Variants in RBM28 observed in about 807,000 individuals in gnomAD.
RBM28 encodes the protein RNA-binding protein 28.
Under a neutral mutation model 98.3 loss-of-function variants are expected in RBM28, and 78 were observed. That is an observed-to-expected ratio of 0.79 (90% confidence interval 0.66 to 0.96). The LOEUF (loss-of-function observed/expected upper bound fraction) is 0.96, where lower values mean the gene tolerates loss of function less well. Ranked by LOEUF, RBM28 falls within the 40% of genes least tolerant of loss-of-function variation. The probability of loss-of-function intolerance (pLI) is 0.00; values close to 1 mark genes in which losing one functional copy is unlikely to be tolerated. For missense variants in RBM28, 838 were observed against 913.0 expected (o/e 0.92, Z 1.06); for synonymous variants, 306 against 330.9 (o/e 0.92, Z 0.82).
At chr7:128,341,594 G>A (rs925444426) in intron 1 of RBM28, among the ~76,000 whole-genome samples, 2 of 152,220 alleles carry the variant, frequency 1.3e-5, no homozygotes, top group African/African-American at 4.8e-5. Context: ...CAGCTGTCTG[G>A]ATAGGAAAGT....
At chr7:128,323,691 C>T in intron 12 of RBM28, 100 bp from the exon 13 acceptor site, 1 of 1,375,922 alleles carries the variant, frequency 7.3e-7, no homozygotes, top group Non-Finnish European at 1.0e-6. Context: ...TGTACAGGGC[C>T]CAGAGGACTA....
chr7:128,306,291 T>G lies in RBM28; in HGVS notation c.*4506A>C, dbSNP rs1795867084. On this transcript the variant is annotated 3_prime_UTR_variant, in exon 19 of 19. Coordinates refer to ENST00000223073, the MANE Select transcript of RBM28 (RefSeq NM_018077.3). The stretch of plus-strand genomic sequence containing the variant: ...GGCACAGAGACTGTCCAGATTGGAA[T>G]GGACAAGGCATAGCAGAAAGTACGG... 1 of 152,252 alleles carries G rather than the reference T, an allele frequency of 6.6e-6. No individual in the cohort carries two copies. Among genetic ancestry groups the G allele is most frequent in the Non-Finnish European group, 1.5e-5 (1 of 68,048 alleles). The allele number at this position is 152,252 out of a possible 1,614,324, so 9.4% of individuals were successfully genotyped here.
rs530992482 is a variant in RBM28 at position 128,339,373 on chromosome 7, G to A, written c.278-52C>T. 55 of 1,415,022 alleles carry A rather than the reference G, an allele frequency of 3.9e-5. No individual in the cohort carries two copies. In the Middle Eastern group the frequency reaches 5.3e-4, roughly 14 times the overall value. The allele number at this position is 1,415,022 out of a possible 1,614,324, so 87.7% of individuals were successfully genotyped here. A position where few individuals can be genotyped will look rare whatever the true frequency, so the allele number is the denominator to read the frequency against. On this transcript the variant is annotated intron_variant, in intron 2 of 18. Transcript: ENST00000223073. ...GTACTCGAAAATCACCCACTTCTAC[G>A]CCAGAACATCACAGAAAAAAAAGCT... is the stretch of plus-strand genomic sequence containing the variant.
At chr7:128,321,474 T>C (rs754057772) in intron 13 of RBM28, 50 bp from the exon 14 acceptor site, 2 of 1,606,922 alleles carry the variant, frequency 1.2e-6, no homozygotes, top group South Asian at 1.1e-5. Context: ...TTTTAAGAGG[T>C]AGGCTCATAA....
At position 128,335,635 on chromosome 7, in the gene RBM28, T is replaced by C. The variant is rs139593024; in HGVS notation, c.854A>G (p.Glu285Gly). The C allele has an allele frequency of 3.1e-6, 5 of 1,614,118 alleles. No individual in the cohort carries two copies. In the African/African-American group the frequency reaches 6.7e-5, roughly 22 times the overall value. Reference protein sequence around the residue: ...PAPAKSSDHSEEDSDLEESDS... With the variant: ...PAPAKSSDHSGEDSDLEESDS... ...GCTTTCCTCTAGGTCACTGTCCTCC[T>C]CAGAATGATCACTGCTTTTTGCAGG... Residue 285 changes from glutamate to glycine, a missense_variant, in exon 8 of 19, where the codon GAG becomes GGG. Physicochemically the swap from Glu to Gly is moderately conservative, Grantham distance 98. Coordinates refer to ENST00000223073, the MANE Select transcript of RBM28 (RefSeq NM_018077.3).
chr7:128,332,480 G>A (rs760284223), intron 9 of RBM28, among the ~76,000 whole-genome samples: 9 of 151,642 alleles, frequency 5.9e-5, no homozygotes, highest in South Asian at 2.1e-4. Context: ...CAGGCCTCCC[G>A]AGTAGCTGGG....
chr7:128,334,444 TC>T (rs1448388781), intron 8 of RBM28, among the ~76,000 whole-genome samples: 8 of 152,198 alleles, frequency 5.3e-5, no homozygotes, highest in African/African-American at 1.9e-4. Flanking sequence ...CTTCTTTGAT[TC>T]TAAGGTGTAT....
chr7:128,338,550 G>A (rs1001931898), intron 4 of RBM28, among the ~76,000 whole-genome samples, 176 bp downstream of exon 4: 11 of 152,174 alleles, frequency 7.2e-5, no homozygotes, highest in Admixed American at 1.3e-4. Context: ...AAACTAACTC[G>A]CCTTCTAAAA....
In RBM28 at chr7:128,303,860, T is replaced by C. The variant is rs1056987561; in HGVS notation, c.*6937A>G. The C allele has an allele frequency of 3.9e-5, 6 of 152,190 alleles. No homozygotes were observed. The highest frequency in any genetic ancestry group is 8.8e-5 in the Non-Finnish European group (6 of 68,060). The allele number at this position is 152,190 out of a possible 1,614,324, so 9.4% of individuals were successfully genotyped here. On this transcript the variant is annotated 3_prime_UTR_variant, in exon 19 of 19. Coordinates refer to ENST00000223073, the MANE Select transcript of RBM28 (RefSeq NM_018077.3). Reference sequence around the variant, plus strand: ...TAACACCCATGCACGTATCAGAAGCTACCCATGAAAGGCCAAGGGCCTACA... The same window carrying C: ...TAACACCCATGCACGTATCAGAAGCCACCCATGAAAGGCCAAGGGCCTACA...
At chr7:128,325,300 G>C (rs1161362201) in intron 11 of RBM28, among the ~76,000 whole-genome samples, 1 of 152,146 alleles carries the variant, frequency 6.6e-6, no homozygotes, top group East Asian at 1.9e-4. Context: ...CCAAACTGAG[G>C]AAAATTATCT....
At chr7:128,337,874 T>G (rs1029802554) in intron 5 of RBM28, among the ~76,000 whole-genome samples, 2 of 152,134 alleles carry the variant, frequency 1.3e-5, no homozygotes, top group Non-Finnish European at 2.9e-5. Flanking sequence ...AATAACTTCT[T>G]TAGGCACAGT....
chr7:128,325,411 T>G (rs1454024775), intron 11 of RBM28, among the ~76,000 whole-genome samples: 1 of 152,248 alleles, frequency 6.6e-6, no homozygotes, highest in Admixed American at 6.5e-5. Context: ...GATAACATTA[T>G]ACTCGACTAT....
intron 5 of RBM28, 64 bp from the exon 6 acceptor site, chr7:128,337,266 C>A: frequency 6.7e-7 from 1 of 1,498,390 alleles, no homozygotes; most frequent in Non-Finnish European, 9.3e-7. Flanking sequence ...CTGTAAATGA[C>A]CCCTAGTCAT....
At chr7:128,329,888 CAAAAAAAAAAA>C (rs398006204) in intron 10 of RBM28, among the ~76,000 whole-genome samples, 11 of 101,628 alleles carry the variant, frequency 1.1e-4, no homozygotes, top group African/African-American at 2.5e-4. Flanking sequence ...GACTCCGTCT[CAAAAAAAAAAA>C]AAAAAAAAAA....
At chr7:128,334,980 A>G (rs567944463) in intron 8 of RBM28, among the ~76,000 whole-genome samples, 1 of 152,364 alleles carries the variant, frequency 6.6e-6, no homozygotes, top group Admixed American at 6.5e-5. Flanking sequence ...TCTGCAAGCT[A>G]GGAAGAGAGC....
At chr7:128,315,154 GA>G in intron 16 of RBM28, 134 bp from the exon 17 acceptor site, 1 of 1,326,656 alleles carries the variant, frequency 7.5e-7, no homozygotes, top group Admixed American at 1.8e-5. Flanking sequence ...GAGACTAGAG[GA>G]AAGTGAATAC....
chr7:128,320,806 A>G (rs1254300344), intron 14 of RBM28, among the ~76,000 whole-genome samples: 1 of 152,232 alleles, frequency 6.6e-6, no homozygotes, highest in Non-Finnish European at 1.5e-5. Context: ...CAATTCTTAG[A>G]AGAAAAAGAA....
chr7:128,343,626 C>T (rs757218160), intron 1 of RBM28, 50 bp downstream of exon 1: 3 of 1,374,324 alleles, frequency 2.2e-6, no homozygotes, highest in Middle Eastern at 1.8e-4. Flanking sequence ...TGGGAAGGTG[C>T]CCTCGATCGC....
chr7:128,315,206 G>C (rs1457198018), intron 16 of RBM28, among the ~76,000 whole-genome samples, 186 bp from the exon 17 acceptor site: 3 of 152,172 alleles, frequency 2.0e-5, no homozygotes, highest in Non-Finnish European at 4.4e-5. Context: ...GATGGTTACT[G>C]GGTGGGGGGC....
Sources: gnomAD v4.1 joint callset for allele counts (sites outside exome capture counted in the v4.1 genomes callset) on GRCh38, gnomAD v4.1.1 for gene constraint, MANE v1.5 for transcripts, NCBI Gene and HGNC (gene_info 2026-07-23, HGNC 2026-07-21) for gene names.